GALM: variants seen among roughly 807,000 people sequenced by gnomAD.
The protein encoded by GALM is aldose 1-epimerase.
GALM carries 43 observed loss-of-function variants against 37.4 expected under a neutral mutation model. That is an observed-to-expected ratio of 1.15 (90% CI 0.90 to 1.48). GALM has a LOEUF of 1.48. GALM is among the 40% of genes most tolerant of loss of function. GALM has a pLI of 0.00. For missense variants in GALM, 456 were observed against 419.1 expected (o/e 1.09, Z -0.77); for synonymous variants, 199 against 170.6 (o/e 1.17, Z -1.30).
chr2:38,675,873 T>C lies in GALM; in HGVS notation c.191-39T>C, dbSNP rs771914373. ...TGTGAGCCACCGTGCCCAGCCTGAA[T>C]TGAAGTTTTAAAAGTGCTGTCATCC... On this transcript the variant is annotated intron_variant, in intron 1 of 6. Coordinates refer to ENST00000272252, the MANE Select transcript of GALM (RefSeq NM_138801.3). The C allele has an allele frequency of 3.7e-6, 6 of 1,608,666 alleles. No homozygotes were observed. In the Admixed American group the frequency reaches 8.3e-5, roughly 22 times the overall value.
Position 38,681,459 on chromosome 2 carries a change from C to G in GALM, c.525C>G (p.Asn175Lys), listed in dbSNP as rs1483194749. The change falls in exon 3 of 7, where the codon AAC (asparagine) becomes AAG (lysine). Residue 175 changes from asparagine to lysine, a missense_variant. By Grantham distance (94) the Asn-to-Lys change is moderately conservative. Transcript: ENST00000272252. ...AGGCCACACCAGTCAACCTGACCAA[C>G]CATTCTTACTTCAACCTGGCAGGCC... ...ASQATPVNLT[N>K]HSYFNLAGQA... 1.9e-6 allele frequency: 3 copies of G among 1,613,992 alleles called. No individual in the cohort carries two copies. The African/African-American group carries it at 4.0e-5, about 22-fold the overall frequency.
Position 38,674,394 on chromosome 2 carries a change from T to C in GALM, c.191-1518T>C, listed in dbSNP as rs189704891. ...TAGTGGAGACGGGGTTTCACCGTGT[T>C]GGCCAGGATGGTCTCAATCTCTTGA... On this transcript the variant is annotated intron_variant, in intron 1 of 6. Transcript: ENST00000272252. Among the ~76,000 whole-genome samples the C allele has an allele frequency of 5.7e-3, 875 of 152,200 alleles. 7 individuals are homozygous for C. The highest frequency in any genetic ancestry group is 0.02 in the African/African-American group (829 of 41,526).
chr2:38,703,913 G>A (rs1437040569), intron 4 of GALM, among the ~76,000 whole-genome samples: 2 of 152,034 alleles, frequency 1.3e-5, no homozygotes, highest in East Asian at 3.9e-4. Context: ...TACTCAGGAG[G>A]CTGAGGCACA....
intron 4 of GALM, 37 bp from the exon 5 acceptor site, chr2:38,729,519 G>A: frequency 6.3e-7 from 1 of 1,599,824 alleles, no homozygotes; most frequent in Non-Finnish European, 8.5e-7. Flanking sequence ...TGAGACTTGG[G>A]CATTTATCAC....
chr2:38,733,143 C>A (rs886859759), intron 6 of GALM, among the ~76,000 whole-genome samples: 1 of 150,862 alleles, frequency 6.6e-6, no homozygotes, highest in African/African-American at 2.4e-5. Context: ...ATCGCTTGAA[C>A]CCAGGAAGCG....
chr2:38,689,860 T>A lies in GALM; in HGVS notation c.600T>A (p.Thr200=). 6.2e-7 allele frequency: 1 copy of A among 1,612,194 alleles called. No individual in the cohort carries two copies. ...ATGAAGTCACCATAGAAGCGGATAC[T>A]TATTTGCCTGTGGATGAAACCCTGA... is the stretch of plus-strand genomic sequence containing the variant. The part of the protein sequence containing the change: ...NDHEVTIEAD[T]YLPVDETLIP... The change falls in exon 4 of 7, where the codon ACT becomes ACA. Residue 200 remains threonine, a synonymous_variant. Transcript: ENST00000272252.
At chr2:38,705,313 TC>T (rs1454937761) in intron 4 of GALM, among the ~76,000 whole-genome samples, 3 of 152,114 alleles carry the variant, frequency 2.0e-5, no homozygotes, top group African/African-American at 4.8e-5. Flanking sequence ...TCAAGTAAGT[TC>T]CCAGAGCAGA....
chr2:38,694,824 G>A (rs1665763271), intron 4 of GALM, among the ~76,000 whole-genome samples: 2 of 149,848 alleles, frequency 1.3e-5, no homozygotes, highest in Admixed American at 1.4e-4. Flanking sequence ...GTGAACCCGG[G>A]AGGTGGAGGT....
intron 4 of GALM, among the ~76,000 whole-genome samples, chr2:38,724,042 C>G (rs571973107): frequency 4.1e-4 from 62 of 152,118 alleles, no homozygotes; most frequent in African/African-American, 1.4e-3. Flanking sequence ...CCTCAGCCTC[C>G]AGAGTAGCTG....
chr2:38,698,327 G>T lies in GALM; in HGVS notation c.634+8433G>T, dbSNP rs959619853. 5.7e-5 allele frequency: 68 copies of T among 1,183,566 alleles called. 1 individual carries two copies. In the Admixed American group the frequency reaches 1.5e-3, roughly 27 times the overall value. 73.3% of individuals were successfully genotyped at this position (1,183,566 alleles called of 1,614,324 possible). On this transcript the variant is annotated intron_variant, in intron 4 of 6. Coordinates refer to ENST00000272252, the MANE Select transcript of GALM (RefSeq NM_138801.3). ...TCAGCAGTGGTGTATTGAGTGCATA[G>T]CCCTTGCTCACAGGTGCTTCTTTCC...
At chr2:38,698,156 C>G (rs1665848493) in intron 4 of GALM, among the ~76,000 whole-genome samples, 1 of 152,116 alleles carries the variant, frequency 6.6e-6, no homozygotes, top group South Asian at 2.1e-4. Context: ...ATTGCCCAGG[C>G]TGGTCTCAAA....
At position 38,734,267 on chromosome 2, in the gene GALM, T is replaced by G. The variant is rs1138974; in HGVS notation, c.*702T>G. The G allele has an allele frequency of 0.021, 3,288 of 153,010 alleles. 133 individuals carry two copies. The highest frequency in any genetic ancestry group is 0.076 in the African/African-American group (3,125 of 41,078). 9.5% of individuals were successfully genotyped at this position (153,010 alleles called of 1,614,324 possible). Reference sequence around the variant, plus strand: ...TTAGCTGGGTGTGGTAGCACGCACCTGTAGTCCCAGCTACTTGGGAGGCTG... The same window carrying G: ...TTAGCTGGGTGTGGTAGCACGCACCGGTAGTCCCAGCTACTTGGGAGGCTG... On this transcript the variant is annotated 3_prime_UTR_variant, in exon 7 of 7. Coordinates refer to ENST00000272252, the MANE Select transcript of GALM (RefSeq NM_138801.3).
intron 4 of GALM, among the ~76,000 whole-genome samples, chr2:38,708,743 A>G (rs1666093705): frequency 6.6e-6 from 1 of 151,922 alleles, no homozygotes; most frequent in Non-Finnish European, 1.5e-5. Context: ...AAAAAAAAAA[A>G]AAAAAAGAAA....
At position 38,731,849 on chromosome 2, in the gene GALM, C is replaced by T; in HGVS notation, c.891C>T (p.Val297=). The T allele has an allele frequency of 6.2e-7, 1 of 1,614,146 alleles. No individual in the cohort carries two copies. The highest frequency in any genetic ancestry group is 8.5e-7 in the Non-Finnish European group (1 of 1,180,004). The change falls in exon 6 of 7, where the codon GTC becomes GTT. Residue 297 remains valine, a synonymous_variant. Transcript: ENST00000272252. Reference sequence around the variant, plus strand: ...CATTAAAGGGCAAGAATGGAGCTGTCTATCCCAAGCACTCCGGTTTCTGCC... The same window carrying T: ...CATTAAAGGGCAAGAATGGAGCTGTTTATCCCAAGCACTCCGGTTTCTGCC... ...DGTLKGKNGA[V]YPKHSGFCLE... is the part of the protein sequence containing the mutation.
At chr2:38,712,194 C>T (rs1316546331) in intron 4 of GALM, among the ~76,000 whole-genome samples, 1 of 152,164 alleles carries the variant, frequency 6.6e-6, no homozygotes, top group Non-Finnish European at 1.5e-5. Context: ...AGTGTATCTG[C>T]CTCCTAGCTT....
intron 3 of GALM, among the ~76,000 whole-genome samples, chr2:38,688,959 T>C (rs1190844901): frequency 6.6e-6 from 1 of 152,194 alleles, no homozygotes; most frequent in South Asian, 2.1e-4. Flanking sequence ...TAGCTGAGAT[T>C]ACAGGCATGT....
At chr2:38,698,369 G>C in intron 4 of GALM, 2 of 1,304,310 alleles carry the variant, frequency 1.5e-6, no homozygotes, top group South Asian at 1.2e-5. Flanking sequence ...ATGGCAGGTG[G>C]CACCAACAGA....
At chr2:38,723,033 T>G (rs1359767639) in intron 4 of GALM, among the ~76,000 whole-genome samples, 1 of 152,180 alleles carries the variant, frequency 6.6e-6, no homozygotes, top group Admixed American at 6.5e-5. Flanking sequence ...TATACACAGT[T>G]GCCTCTGGGT....
intron 1 of GALM, among the ~76,000 whole-genome samples, chr2:38,671,081 A>T (rs1665087475): frequency 7.1e-6 from 1 of 141,266 alleles, no homozygotes; most frequent in Non-Finnish European, 1.5e-5. Context: ...CTTGCCCAGG[A>T]AAGGGGGAAG....
Sources: allele counts gnomAD v4.1 joint callset (sites outside exome capture counted in the v4.1 genomes callset), GRCh38; gene constraint gnomAD v4.1.1; transcripts MANE v1.5; gene names NCBI Gene and HGNC (gene_info 2026-07-23, HGNC 2026-07-21).